The following ZDHHC20 variants were observed in gnomAD, a reference collection of about 807,000 sequenced individuals.
ZDHHC20 encodes the protein palmitoyltransferase ZDHHC20.
A neutral mutation model predicts 57.8 loss-of-function variants in ZDHHC20; 43 were observed. The ratio of observed to expected loss-of-function variants is 0.74; its 90% CI spans 0.58 to 0.96. The LOEUF (loss-of-function observed/expected upper bound fraction) is 0.96. Among genes scored for constraint, ZDHHC20 ranks in the 40% least tolerant of loss-of-function variants. The pLI, the probability that ZDHHC20 is intolerant of heterozygous loss-of-function variation, is 0.00. For missense variants in ZDHHC20, 391 were observed against 441.1 expected (o/e 0.89, Z 1.02); for synonymous variants, 157 against 153.0 (o/e 1.03, Z -0.19).
chr13:21,376,859 A>C, intron 12 of ZDHHC20: 1 of 338,538 alleles, frequency 3.0e-6, no homozygotes, highest in Non-Finnish European at 5.4e-6. Flanking sequence ...GAAGCAATCA[A>C]AAGAGTATTT....
chr13:21,381,495 G>C lies in ZDHHC20; in HGVS notation c.999C>G (p.Arg333=). The change falls in exon 11 of 13, where the codon CGC becomes CGG. Residue 333 remains arginine, a synonymous_variant. Coordinates refer to ENST00000400590, the MANE Select transcript of ZDHHC20 (RefSeq NM_001330059.2). ...PIKPLSESKN[R]LLDSESQWLE... The stretch of plus-strand genomic sequence containing the variant: ...GCCACTGAGATTCACTGTCCAACAA[G>C]CGGTTTTTTGATTCACTAAGTGGTT... 1 of 1,613,814 alleles carries C rather than the reference G, an allele frequency of 6.2e-7. No individual in the cohort carries two copies. Among genetic ancestry groups the C allele is most frequent in the East Asian group, 2.2e-5 (1 of 44,870 alleles).
At chr13:21,426,011 A>AC (rs1881201213) in intron 1 of ZDHHC20, among the ~76,000 whole-genome samples, 1 of 152,042 alleles carries the variant, frequency 6.6e-6, no homozygotes, top group South Asian at 2.1e-4. Context: ...GTCCTCTATG[A>AC]CCCCCATAAC....
At chr13:21,431,000 A>G (rs776376587) in intron 1 of ZDHHC20, among the ~76,000 whole-genome samples, 1 of 152,182 alleles carries the variant, frequency 6.6e-6, no homozygotes, top group Non-Finnish European at 1.5e-5. Context: ...ATTCTGTTAT[A>G]TGGAGGTATG....
chr13:21,412,767 G>A (rs1354042583), intron 4 of ZDHHC20, among the ~76,000 whole-genome samples: 2 of 151,796 alleles, frequency 1.3e-5, no homozygotes, highest in Non-Finnish European at 2.9e-5. Context: ...CCAGGAATTC[G>A]AGACCAGCCT....
At chr13:21,412,362 T>C (rs958383994) in intron 4 of ZDHHC20, among the ~76,000 whole-genome samples, 1 of 152,140 alleles carries the variant, frequency 6.6e-6, no homozygotes, top group Non-Finnish European at 1.5e-5. Context: ...AATATTGTGG[T>C]ACTAGAATTC....
At chr13:21,450,493 T>C (rs1401461079) in intron 1 of ZDHHC20, among the ~76,000 whole-genome samples, 1 of 152,146 alleles carries the variant, frequency 6.6e-6, no homozygotes, top group Non-Finnish European at 1.5e-5. Context: ...TTTAAATATA[T>C]ATATTTACAG....
chr13:21,409,169 T>C (rs1878863225), intron 4 of ZDHHC20, among the ~76,000 whole-genome samples: 1 of 152,156 alleles, frequency 6.6e-6, no homozygotes, highest in African/African-American at 2.4e-5. Flanking sequence ...TTTAGAATAG[T>C]TTTAGAAGGA....
At chr13:21,437,421 C>T (rs2137986078) in intron 1 of ZDHHC20, among the ~76,000 whole-genome samples, 1 of 152,288 alleles carries the variant, frequency 6.6e-6, no homozygotes, top group South Asian at 2.1e-4. Flanking sequence ...ATAACAGATG[C>T]TCGCTGCAGA....
At chr13:21,388,138 T>C (rs1212333607) in intron 8 of ZDHHC20, among the ~76,000 whole-genome samples, 1 of 152,160 alleles carries the variant, frequency 6.6e-6, no homozygotes, top group Non-Finnish European at 1.5e-5. Context: ...TTTGTCTCGA[T>C]AGAGACATAT....
chr13:21,441,566 T>G (rs2138008354), intron 1 of ZDHHC20, among the ~76,000 whole-genome samples: 1 of 139,462 alleles, frequency 7.2e-6, no homozygotes, highest in East Asian at 2.1e-4. Flanking sequence ...TTTTTTTTTT[T>G]TTTTTTTTTT....
intron 2 of ZDHHC20, among the ~76,000 whole-genome samples, chr13:21,424,096 C>G (rs966386772): frequency 6.6e-6 from 1 of 152,044 alleles, no homozygotes; most frequent in Non-Finnish European, 1.5e-5. Flanking sequence ...AAGCTCTTAA[C>G]ACGAGACCTA....
chr13:21,426,591 C>CT (rs370240759), intron 1 of ZDHHC20, among the ~76,000 whole-genome samples: 4 of 150,282 alleles, frequency 2.7e-5, no homozygotes, highest in African/African-American at 9.8e-5. Flanking sequence ...TGGTTTCTTC[C>CT]TTTTTTTCTC....
intron 12 of ZDHHC20, 55 bp downstream of exon 12, chr13:21,378,606 A>G: frequency 9.6e-7 from 1 of 1,046,628 alleles, no homozygotes; most frequent in Admixed American, 3.8e-5. Context: ...TTTAAAGATT[A>G]TGAAATATGC....
intron 2 of ZDHHC20, among the ~76,000 whole-genome samples, chr13:21,422,240 A>G (rs1684541552): frequency 6.6e-6 from 1 of 151,784 alleles, no homozygotes; most frequent in African/African-American, 2.4e-5. Context: ...AAGAAGTGAT[A>G]AAGTGTTCAC....
intron 1 of ZDHHC20, among the ~76,000 whole-genome samples, chr13:21,430,023 T>C (rs930261833): frequency 1.1e-4 from 16 of 152,250 alleles, no homozygotes; most frequent in East Asian, 1.9e-4. Context: ...ACTTTAAAGA[T>C]AGCTGCATTA....
chr13:21,449,748 G>A (rs1213325331), intron 1 of ZDHHC20, among the ~76,000 whole-genome samples: 3 of 151,644 alleles, frequency 2.0e-5, no homozygotes, highest in Non-Finnish European at 4.4e-5. Flanking sequence ...GGGTTCAAGC[G>A]ATTCTCCTGC....
intron 1 of ZDHHC20, among the ~76,000 whole-genome samples, chr13:21,435,125 G>C (rs966022332): frequency 3.9e-5 from 6 of 152,102 alleles, no homozygotes; most frequent in Non-Finnish European, 8.8e-5. Flanking sequence ...GGTATGGCAG[G>C]ATAATTTTAC....
intron 1 of ZDHHC20, among the ~76,000 whole-genome samples, chr13:21,429,664 C>G (rs745433344): frequency 6.6e-6 from 1 of 152,196 alleles, no homozygotes; most frequent in African/African-American, 2.4e-5. Context: ...TTTAAGCTAT[C>G]ATTTCTTTGA....
At chr13:21,435,467 G>A (rs1055475069) in intron 1 of ZDHHC20, among the ~76,000 whole-genome samples, 3 of 152,152 alleles carry the variant, frequency 2.0e-5, no homozygotes, top group Non-Finnish European at 4.4e-5. Context: ...ACACATCAAA[G>A]CACACAGAAA....
Sources: allele counts gnomAD v4.1 joint callset (sites outside exome capture counted in the v4.1 genomes callset), GRCh38; gene constraint gnomAD v4.1.1; transcripts MANE v1.5; gene names NCBI Gene and HGNC (gene_info 2026-07-23, HGNC 2026-07-21).